The following RAD54L2 variants were observed in gnomAD, a reference collection of about 807,000 sequenced individuals.
RAD54L2 encodes the protein RAD54 like 2, also known as helicase ARIP4.
RAD54L2 carries 27 observed loss-of-function variants against 138.4 expected under a neutral mutation model. That is an observed-to-expected ratio of 0.20 (90% CI 0.14 to 0.27). The LOEUF (loss-of-function observed/expected upper bound fraction) is 0.27, where lower values mean the gene tolerates loss of function less well. Among genes scored for constraint, RAD54L2 ranks in the 10% least tolerant of loss-of-function variants. RAD54L2 has a pLI of 1.00. For synonymous variants in RAD54L2, 644 were observed against 723.2 expected (o/e 0.89, Z 1.76); for missense variants, 1,396 against 1,890.2 (o/e 0.74, Z 4.85).
intron 19 of RAD54L2, among the ~76,000 whole-genome samples, chr3:51,647,879 G>A (rs116192302): frequency 1.2e-3 from 178 of 151,182 alleles, no homozygotes; most frequent in Non-Finnish European, 2.0e-3. Flanking sequence ...CACTGTGATC[G>A]ACACAGAAGA....
intron 2 of RAD54L2, among the ~76,000 whole-genome samples, chr3:51,583,060 C>T (rs565604875): frequency 9.9e-5 from 15 of 152,196 alleles, no homozygotes; most frequent in South Asian, 4.2e-4. Context: ...CCACCATGCC[C>T]GGCCAAGAAT....
chr3:51,641,278 T>C (rs1454564032), intron 14 of RAD54L2, among the ~76,000 whole-genome samples: 3 of 151,344 alleles, frequency 2.0e-5, no homozygotes, highest in Non-Finnish European at 2.9e-5. Context: ...GTGCTGGGAT[T>C]ACAGGCGTGA....
Position 51,662,630 on chromosome 3 carries a change from C to G in RAD54L2, c.3614C>G (p.Pro1205Arg). The change falls in exon 23 of 23, where the codon CCC becomes CGC. Residue 1205 changes from proline to arginine, a missense_variant. Physicochemically the swap from Pro to Arg is moderately radical, Grantham distance 103. Transcript: ENST00000684192. This position sits in a 1 kb window ranked among gnomAD's most constrained non-coding sequence, Gnocchi z 4.6. ...AGCACCAATGCCGCCCTGCCTGGCCCCCCGGCCCAACTTATGGACAGCAGT... is the reference window on the plus strand; with the variant it reads ...AGCACCAATGCCGCCCTGCCTGGCCGCCCGGCCCAACTTATGGACAGCAGT... ...SPSTNAALPG[P>R]PAQLMDSSAV... 1 of 1,612,620 alleles carries G rather than the reference C, an allele frequency of 6.2e-7. No homozygotes were observed.
chr3:51,630,995 C>A (rs1024429004), intron 7 of RAD54L2, 64 bp downstream of exon 7: 11 of 1,480,244 alleles, frequency 7.4e-6, no homozygotes, highest in Non-Finnish European at 1.0e-5. Flanking sequence ...ACATTGCCTG[C>A]TGGTGGTTAT....
chr3:51,580,279 G>A (rs542326124), intron 2 of RAD54L2, among the ~76,000 whole-genome samples: 172 of 152,292 alleles, frequency 1.1e-3, no homozygotes, highest in African/African-American at 4.0e-3. Context: ...ACTCAGGAAC[G>A]GTGAAGTGGA....
chr3:51,645,752 C>T lies in RAD54L2; in HGVS notation c.2818C>T (p.Leu940Phe). Residue 940 changes from leucine to phenylalanine, a missense_variant, in exon 18 of 23, where the codon CTC becomes TTC. Physicochemically the swap from Leu to Phe is conservative, Grantham distance 22. Transcript: ENST00000684192. This position sits in a 1 kb window ranked among gnomAD's most constrained non-coding sequence, Gnocchi z 6.1. ...LQLACLKYPH[L>F]ITKEPFEHES... ...ACTGGCCTGTCTGAAGTACCCTCACCTCATCACCAAGGTAAGAACTTGGTA... is the reference window on the plus strand; with the variant it reads ...ACTGGCCTGTCTGAAGTACCCTCACTTCATCACCAAGGTAAGAACTTGGTA... 2 of 1,610,250 alleles carry T rather than the reference C, an allele frequency of 1.2e-6. No homozygotes were observed. Among genetic ancestry groups the T allele is most frequent in the African/African-American group, 1.3e-5 (1 of 74,906 alleles).
intron 3 of RAD54L2, among the ~76,000 whole-genome samples, chr3:51,598,151 G>A (rs567909511): frequency 2.5e-4 from 31 of 125,358 alleles, no homozygotes; most frequent in Middle Eastern, 4.3e-3. Context: ...ATATATATAT[G>A]TGTGTGTGTG....
intron 5 of RAD54L2, among the ~76,000 whole-genome samples, chr3:51,629,805 G>A (rs56895921): frequency 6.6e-6 from 1 of 152,142 alleles, no homozygotes. Context: ...GGAGGTTGCA[G>A]GGAGCTGAGA....
intron 3 of RAD54L2, among the ~76,000 whole-genome samples, chr3:51,605,261 G>A (rs1173002379): frequency 6.6e-6 from 1 of 151,380 alleles, no homozygotes; most frequent in Admixed American, 6.6e-5. Context: ...AGCTAATTTT[G>A]TATTTTTAGT....
intron 3 of RAD54L2, among the ~76,000 whole-genome samples, chr3:51,625,391 C>T (rs894884468): frequency 6.6e-6 from 1 of 152,166 alleles, no homozygotes; most frequent in African/African-American, 2.4e-5. Flanking sequence ...GTATTCCAGC[C>T]TGGGCAACAA....
At chr3:51,583,783 C>T (rs548120139) in intron 2 of RAD54L2, among the ~76,000 whole-genome samples, 2 of 151,556 alleles carry the variant, frequency 1.3e-5, no homozygotes, top group South Asian at 2.1e-4. Flanking sequence ...AAAGTTACCT[C>T]GAGGAATTTT....
intron 3 of RAD54L2, among the ~76,000 whole-genome samples, chr3:51,601,253 C>T (rs552191052): frequency 3.2e-4 from 48 of 151,198 alleles, no homozygotes; most frequent in Middle Eastern, 3.5e-3. Context: ...ACCTTGTGAT[C>T]CACCCGCCTC....
chr3:51,619,474 A>G (rs1700520411), intron 3 of RAD54L2, among the ~76,000 whole-genome samples: 1 of 150,636 alleles, frequency 6.6e-6, no homozygotes, highest in Non-Finnish European at 1.5e-5. Context: ...TTTCTGACAC[A>G]GTGCAATGTG....
chr3:51,565,660 A>T (rs1699198372), intron 2 of RAD54L2, among the ~76,000 whole-genome samples: 1 of 151,912 alleles, frequency 6.6e-6, no homozygotes, highest in South Asian at 2.1e-4. Flanking sequence ...TTTAGTAGTG[A>T]TGGGGTTTCA....
intron 3 of RAD54L2, among the ~76,000 whole-genome samples, chr3:51,616,071 C>G (rs1700435474): frequency 6.6e-6 from 1 of 152,032 alleles, no homozygotes; most frequent in Non-Finnish European, 1.5e-5. Context: ...TTTTCAAGAT[C>G]AATTCAGTAT....
intron 2 of RAD54L2, among the ~76,000 whole-genome samples, chr3:51,553,717 A>G (rs1271586248): frequency 6.6e-6 from 1 of 152,088 alleles, no homozygotes; most frequent in African/African-American, 2.4e-5. Context: ...TTAGTCCTAG[A>G]TACTCTGGAG....
At chr3:51,611,725 A>G (rs1484431885) in intron 3 of RAD54L2, among the ~76,000 whole-genome samples, 2 of 151,814 alleles carry the variant, frequency 1.3e-5, no homozygotes, top group African/African-American at 4.8e-5. Context: ...CGCCCGGCTA[A>G]TTTTTATATT....
At chr3:51,603,686 A>T (rs906176732) in intron 3 of RAD54L2, among the ~76,000 whole-genome samples, 2 of 152,082 alleles carry the variant, frequency 1.3e-5, no homozygotes, top group Non-Finnish European at 2.9e-5. Flanking sequence ...AAACAAATGA[A>T]TAAATAAATA....
At chr3:51,585,622 G>A (rs1420594780) in intron 2 of RAD54L2, among the ~76,000 whole-genome samples, 2 of 152,166 alleles carry the variant, frequency 1.3e-5, no homozygotes, top group East Asian at 1.9e-4. Context: ...TAGCAAGGCA[G>A]AACAATATTT....
Sources: gnomAD v4.1 joint callset for allele counts (sites outside exome capture counted in the v4.1 genomes callset) on GRCh38, gnomAD v4.1.1 for gene constraint, Gnocchi (gnomAD v3.1) non-coding constraint, MANE v1.5 for transcripts, NCBI Gene and HGNC (gene_info 2026-07-23, HGNC 2026-07-21) for gene names.